The following VIPR2 variants were observed in gnomAD, a reference collection of about 807,000 sequenced individuals.
VIPR2 encodes vasoactive intestinal peptide receptor 2.
VIPR2 carries 48 observed loss-of-function variants against 58.0 expected under a neutral mutation model. That is an observed-to-expected ratio of 0.83 (90% CI 0.66 to 1.05). The LOEUF is 1.05. Ranked by LOEUF, VIPR2 falls within the 50% of genes least tolerant of loss-of-function variation. The pLI, the probability that VIPR2 is intolerant of heterozygous loss-of-function variation, is 0.00. For missense variants in VIPR2, 534 were observed against 558.0 expected, an observed-to-expected ratio of 0.96 and a Z score of 0.43; for synonymous variants, 243 against 235.2, an observed-to-expected ratio of 1.03 and a Z score of -0.30.
chr7:159,049,576 C>G (rs1363109314), intron 5 of VIPR2, among the ~76,000 whole-genome samples: 2 of 152,338 alleles, frequency 1.3e-5, no homozygotes, highest in African/African-American at 4.8e-5. Context: ...TTGGGTGACC[C>G]TCGGGGAGCA....
chr7:159,035,704 C>T (rs1039661231), intron 8 of VIPR2: 1 of 985,306 alleles, frequency 1.0e-6, no homozygotes, highest in African/African-American at 1.7e-5. Context: ...CTCTGCCTGG[C>T]TTATCCCAAT....
At position 159,144,762 on chromosome 7, in the gene VIPR2, G is replaced by C. The variant is rs1251831984; in HGVS notation, c.10C>G (p.Leu4Val). 3 of 1,267,214 alleles carry C rather than the reference G, an allele frequency of 2.4e-6. No individual in the cohort carries two copies. Among genetic ancestry groups the C allele is most frequent in the Non-Finnish European group, 3.0e-6 (3 of 1,008,268 alleles). The allele number at this position is 1,267,214 out of a possible 1,614,324, so 78.5% of individuals were successfully genotyped here. A position where few individuals can be genotyped will look rare whatever the true frequency, so the allele number is the denominator to read the frequency against. The change falls in exon 1 of 13, where the codon CTG becomes GTG. Residue 4 changes from leucine to valine, a missense_variant. Physicochemically the swap from Leu to Val is conservative, Grantham distance 32 (BLOSUM62 1). This residue lies in a region of VIPR2 where 224 missense variants were observed against 255.7 expected (regional missense o/e 0.88). Coordinates refer to ENST00000262178, the MANE Select transcript of VIPR2 (RefSeq NM_003382.5). Reference sequence around the variant, plus strand: ...CAGGTCAGCAGCGCGGGAGGCAGCAGCGTCCGCATCCCGAGCTCAGCGTGC... The same window carrying C: ...CAGGTCAGCAGCGCGGGAGGCAGCACCGTCCGCATCCCGAGCTCAGCGTGC... MRT[L>V]LPPALLTCWL...
intron 3 of VIPR2, among the ~76,000 whole-genome samples, chr7:159,104,601 C>T (rs1257561373): frequency 6.7e-6 from 1 of 148,484 alleles, no homozygotes; most frequent in East Asian, 2.0e-4. Context: ...GGGTACCCCA[C>T]CTGCTCCAGT....
chr7:159,080,675 T>C (rs562822063), intron 4 of VIPR2, among the ~76,000 whole-genome samples: 24 of 152,312 alleles, frequency 1.6e-4, no homozygotes, highest in South Asian at 1.2e-3. Flanking sequence ...GGAAGTCAAA[T>C]TGTCCCTGTT....
intron 1 of VIPR2, chr7:159,144,416 G>C (rs1160674498): frequency 9.7e-6 from 15 of 1,546,734 alleles, no homozygotes; most frequent in Non-Finnish European, 1.2e-5. Flanking sequence ...GGCCCCGAAC[G>C]AGCTCATCGT....
intron 4 of VIPR2, among the ~76,000 whole-genome samples, chr7:159,083,456 G>A (rs1050398151): frequency 1.3e-5 from 2 of 152,234 alleles, no homozygotes; most frequent in Non-Finnish European, 2.9e-5. Context: ...GTTGGTCAAG[G>A]AGGTGTCTAA....
intron 4 of VIPR2, among the ~76,000 whole-genome samples, chr7:159,064,788 G>C (rs73169229): frequency 0.011 from 1,640 of 152,320 alleles, 10 homozygotes; most frequent in Non-Finnish European, 0.017. Flanking sequence ...CCTGTGCACA[G>C]CTGTGTGCTG....
At chr7:159,068,219 C>T (rs1196820008) in intron 4 of VIPR2, among the ~76,000 whole-genome samples, 3 of 152,182 alleles carry the variant, frequency 2.0e-5, no homozygotes, top group African/African-American at 4.8e-5. Context: ...TCCTCACTTC[C>T]GTGAGGGGAG....
At chr7:159,103,998 A>G (rs968912730) in intron 3 of VIPR2, 144 bp from the exon 4 acceptor site, 3 of 698,154 alleles carry the variant, frequency 4.3e-6, no homozygotes, top group Non-Finnish European at 7.4e-6. Flanking sequence ...CCACTCAAAA[A>G]ACCTTCCTTG....
intron 6 of VIPR2, among the ~76,000 whole-genome samples, chr7:159,042,375 G>A (rs1232865274): frequency 6.6e-6 from 1 of 152,142 alleles, no homozygotes; most frequent in Non-Finnish European, 1.5e-5. Context: ...GCATGTAGGA[G>A]GTGCTCAACA....
intron 4 of VIPR2, among the ~76,000 whole-genome samples, chr7:159,060,804 G>A (rs768513018): frequency 3.9e-5 from 6 of 152,080 alleles, no homozygotes; most frequent in Non-Finnish European, 7.4e-5. Flanking sequence ...CTCACATCAC[G>A]TAACCACCAC....
At chr7:159,072,666 C>A (rs1436262399) in intron 4 of VIPR2, among the ~76,000 whole-genome samples, 1 of 152,154 alleles carries the variant, frequency 6.6e-6, no homozygotes, top group Non-Finnish European at 1.5e-5. Context: ...GATGTATATC[C>A]AAAATGCCCA....
Position 159,030,594 on chromosome 7 carries a change from C to G in VIPR2, c.*22G>C. ...GCCCCGAACCGTGGGCCTCCCGCCG[C>G]GTCCGACAGGCAGGGGTGGGGCTAG... On this transcript the variant is annotated 3_prime_UTR_variant, in exon 13 of 13. Transcript: ENST00000262178. 6.6e-7 allele frequency: 1 copy of G among 1,511,350 alleles called. No homozygotes were observed. Among genetic ancestry groups the G allele is most frequent in the Non-Finnish European group, 8.9e-7 (1 of 1,126,606 alleles). 93.6% of individuals were successfully genotyped at this position (1,511,350 alleles called of 1,614,324 possible).
intron 4 of VIPR2, among the ~76,000 whole-genome samples, chr7:159,061,659 A>G (rs529593077): frequency 2.0e-4 from 30 of 152,168 alleles, no homozygotes; most frequent in Admixed American, 1.8e-3. Context: ...TCGCAAAAAA[A>G]AAAGTTAAAA....
Position 159,096,690 on chromosome 7 carries a change from A to G in VIPR2, c.357+7067T>C, listed in dbSNP as rs1857867399. ...CATCACATGCACAGGTTAAAACTAA[A>G]CAGCAGAAAAGTGCTCATAATCCTG... On this transcript the variant is annotated intron_variant, in intron 4 of 12. Coordinates refer to ENST00000262178, the MANE Select transcript of VIPR2 (RefSeq NM_003382.5). This position sits in a 1 kb window ranked among gnomAD's most constrained non-coding sequence, Gnocchi z 5.5. 1.6e-6 allele frequency: 2 copies of G among 1,235,404 alleles called. No homozygotes were observed. The highest frequency in any genetic ancestry group is 3.0e-5 in the African/African-American group (2 of 66,422). 76.5% of individuals were successfully genotyped at this position (1,235,404 alleles called of 1,614,324 possible). A position where few individuals can be genotyped will look rare whatever the true frequency, so the allele number is the denominator to read the frequency against.
At chr7:159,120,341 C>T (rs556076245) in intron 2 of VIPR2, among the ~76,000 whole-genome samples, 7 of 152,046 alleles carry the variant, frequency 4.6e-5, no homozygotes, top group African/African-American at 1.7e-4. Context: ...AAAGCAGGGC[C>T]GGATGGTCCC....
intron 4 of VIPR2, among the ~76,000 whole-genome samples, chr7:159,061,530 G>A (rs1855652446): frequency 6.6e-6 from 1 of 151,898 alleles, no homozygotes; most frequent in African/African-American, 2.4e-5. Context: ...GTGTGTGCCT[G>A]TGGTCCACAG....
At chr7:159,144,090 G>C (rs1563364485) in intron 1 of VIPR2, among the ~76,000 whole-genome samples, 1 of 152,254 alleles carries the variant, frequency 6.6e-6, no homozygotes, top group East Asian at 1.9e-4. Context: ...AGGAAAGCAA[G>C]AAACAAGGCT....
chr7:159,050,118 C>T (rs543775363), intron 5 of VIPR2, among the ~76,000 whole-genome samples: 12 of 152,224 alleles, frequency 7.9e-5, no homozygotes, highest in African/African-American at 2.9e-4. Flanking sequence ...GGGTGGATCA[C>T]TTGAGATCAG....
Sources: allele counts gnomAD v4.1 joint callset (sites outside exome capture counted in the v4.1 genomes callset), GRCh38; gene constraint gnomAD v4.1.1; regional missense constraint gnomAD v4.1.1; non-coding constraint Gnocchi (gnomAD v3.1); transcripts MANE v1.5; gene names NCBI Gene and HGNC (gene_info 2026-07-23, HGNC 2026-07-21).